MFRP: variants seen among roughly 807,000 people sequenced by gnomAD.
The protein encoded by MFRP is membrane frizzled-related protein, also known as C1q and TNF related 5.
Under a neutral mutation model 65.8 loss-of-function variants are expected in MFRP, and 74 were observed. The observed-to-expected ratio is 1.12, with a 90% confidence interval of 0.93 to 1.36. The LOEUF (loss-of-function observed/expected upper bound fraction) is 1.36, where lower values mean the gene tolerates loss of function less well. Among genes scored for constraint, MFRP ranks in the 40% most tolerant of loss-of-function variants. The probability of loss-of-function intolerance (pLI) is 0.00; values close to 1 mark genes in which losing one functional copy is unlikely to be tolerated. For missense variants in MFRP, 838 were observed against 736.0 expected (o/e 1.14, Z -1.60); for synonymous variants, 336 against 288.3 (o/e 1.17, Z -1.68).
intron 5 of MFRP, 131 bp from the exon 6 acceptor site, chr11:119,345,135 T>G (rs1950547583): frequency 8.1e-7 from 1 of 1,232,950 alleles, no homozygotes; most frequent in African/African-American, 1.5e-5. Flanking sequence ...AAGGCTCCTC[T>G]GATGTCCCAG....
rs1430261185 is a variant in MFRP at position 119,345,619 on chromosome 11, G to A, written c.442C>T (p.Leu148Phe). Residue 148 changes from leucine to phenylalanine, a missense_variant, in exon 5 of 15, where the codon CTC (leucine) becomes TTC (phenylalanine). Coordinates refer to ENST00000619721, the MANE Select transcript of MFRP (RefSeq NM_031433.4). ...PSPQSTCGGL[L>F]SGPRGFFSSP... ...CTGAAGAAGCCCCTTGGGCCAGAGAGGAGGCCTCCACAGGCTGCAGAGATG... is the reference window on the plus strand; with the variant it reads ...CTGAAGAAGCCCCTTGGGCCAGAGAAGAGGCCTCCACAGGCTGCAGAGATG... 1.2e-6 allele frequency: 2 copies of A among 1,613,604 alleles called. No homozygotes were observed. Among genetic ancestry groups the A allele is most frequent in the Non-Finnish European group, 8.5e-7 (1 of 1,179,978 alleles).
chr11:119,343,087 C>A (rs1950520180), intron 9 of MFRP, 84 bp from the exon 10 acceptor site: 2 of 1,514,352 alleles, frequency 1.3e-6, no homozygotes, highest in East Asian at 4.9e-5. Flanking sequence ...TGGCTCTGAG[C>A]TGGGAGCCCT....
Position 119,339,481 on chromosome 11 carries a change from C to CCCCCCCGAGAGCGAGGCAGGCTTGGGCCA in MFRP, c.*1477_*1478insTGGCCCAAGCCTGCCTCGCTCTCGGGGGG, listed in dbSNP as rs746520820. The CCCCCCCGAGAGCGAGGCAGGCTTGGGCCA allele has an allele frequency of 6.2e-7, 1 of 1,613,866 alleles. No homozygotes were observed. The highest frequency in any genetic ancestry group is 1.1e-5 in the South Asian group (1 of 91,066). The stretch of plus-strand genomic sequence containing the variant: ...CCTCAGGCTCCAGCCTCACCATGGC[C>CCCCCCCGAGAGCGAGGCAGGCTTGGGCCA]CCCCCCGAGAGCGAGGCTGGCTTGG... On this transcript the variant is annotated 3_prime_UTR_variant, in exon 15 of 15. Transcript: ENST00000619721. This position sits in a 1 kb window ranked among gnomAD's most constrained non-coding sequence, Gnocchi z 5.4.
At chr11:119,345,025 G>A (rs1218729973) in intron 5 of MFRP, 21 bp from the exon 6 acceptor site, 3 of 1,596,112 alleles carry the variant, frequency 1.9e-6, no homozygotes, top group East Asian at 4.5e-5. Flanking sequence ...CCAGGTTGGG[G>A]GTGAGGGAGG....
At position 119,343,324 on chromosome 11, in the gene MFRP, G is replaced by A. The variant is rs375760827; in HGVS notation, c.1125-321C>T. Among the ~76,000 whole-genome samples the A allele has an allele frequency of 1.0e-3, 156 of 152,292 alleles. 1 individual carries two copies. The highest frequency in any genetic ancestry group is 6.8e-3 in the Middle Eastern group (2 of 294). ...CCAGGAGTTTGAAACCAGCCTGGGC[G>A]ATATAGTGAGACCTTGTCTTTACAA... is the stretch of plus-strand genomic sequence containing the variant. On this transcript the variant is annotated intron_variant, in intron 9 of 14. Coordinates refer to ENST00000619721, the MANE Select transcript of MFRP (RefSeq NM_031433.4).
Position 119,344,735 on chromosome 11 carries a change from G to C in MFRP, c.795C>G (p.Phe265Leu). 6.2e-7 allele frequency: 1 copy of C among 1,614,056 alleles called. No homozygotes were observed. The highest frequency in any genetic ancestry group is 8.5e-7 in the Non-Finnish European group (1 of 1,180,040). Residue 265 changes from phenylalanine to leucine, a missense_variant, in exon 7 of 15, where the codon TTC becomes TTG. Transcript: ENST00000619721. ...GCAGGCAGATGAGCTGGTCACAGCG[G>C]AACTCATCATGGGCACAGCTCCCTG... ...PGRGSCAHDE[F>L]RCDQLICLLP...
In MFRP at chr11:119,344,913, C is replaced by T. The variant is rs1157815489; in HGVS notation, c.733G>A (p.Gly245Ser). The change falls in exon 6 of 15, where the codon GGT becomes AGT. Residue 245 changes from glycine to serine, a missense_variant. Physicochemically the swap from Gly to Ser is moderately conservative, Grantham distance 56. Transcript: ENST00000619721. ...FVSDSSVEGF[G>S]FHAWYQAMAP... is the part of the protein sequence containing the mutation. ...ATAGCCTGGTACCAGGCATGGAAAC[C>T]AAATCCTTCCACACTGCTGTCAGAG... The T allele has an allele frequency of 8.7e-6, 14 of 1,612,168 alleles. No individual in the cohort carries two copies. Among genetic ancestry groups the T allele is most frequent in the Admixed American group, 1.7e-5 (1 of 59,798 alleles).
Position 119,341,556 on chromosome 11 carries a change from G to C in MFRP, c.1732C>G (p.Gln578Glu), listed in dbSNP as rs1348472435. The part of the protein sequence containing the change: ...PEAADLEACA[Q>E]P ...AGGGGCCGGCTTCAGGGTCAGGGCT[G>C]GGCACAAGCTTCCAGGTCAGCTGCC... The change falls in exon 13 of 15, where the codon CAG (glutamine) becomes GAG (glutamate). Residue 578 changes from glutamine to glutamate, a missense_variant. Physicochemically the swap from Gln to Glu is conservative, Grantham distance 29. Transcript: ENST00000619721. 6.2e-7 allele frequency: 1 copy of C among 1,612,366 alleles called. No homozygotes were observed. The highest frequency in any genetic ancestry group is 8.5e-7 in the Non-Finnish European group (1 of 1,179,754).
chr11:119,345,644 G>A lies in MFRP; in HGVS notation c.428-11C>T. The stretch of plus-strand genomic sequence containing the variant: ...GGAGGCCTCCACAGGCTGCAGAGAT[G>A]GAGGTTAGAGTTCAGAGGTCAAAAG... On this transcript the variant is annotated splice_polypyrimidine_tract_variant and intron_variant, in intron 4 of 14. Transcript: ENST00000619721. 1 of 1,613,410 alleles carries A rather than the reference G, an allele frequency of 6.2e-7. No homozygotes were observed. Among genetic ancestry groups the A allele is most frequent in the East Asian group, 2.2e-5 (1 of 44,880 alleles).
At chr11:119,342,798 C>A (rs891121482) in intron 10 of MFRP, 71 bp from the exon 11 acceptor site, 1 of 1,613,022 alleles carries the variant, frequency 6.2e-7, no homozygotes, top group African/African-American at 1.3e-5. Context: ...AGTGTCCTGA[C>A]CAGGGTCCAG....
In MFRP at chr11:119,345,599, G is replaced by T; in HGVS notation, c.462C>A (p.Phe154Leu). ...CGGLLSGPRG[F>L]FSSPNYPDPY... ...GGTCTGGGTAGTTAGGGCTGCTGAA[G>T]AAGCCCCTTGGGCCAGAGAGGAGGC... The change falls in exon 5 of 15, where the codon TTC becomes TTA. Residue 154 changes from phenylalanine (F) to leucine (L), a missense_variant. Phe to Leu is a conservative substitution (Grantham distance 22). Transcript: ENST00000619721. 6.2e-7 allele frequency: 1 copy of T among 1,613,796 alleles called. No homozygotes were observed. Among genetic ancestry groups the T allele is most frequent in the Non-Finnish European group, 8.5e-7 (1 of 1,179,986 alleles).
At chr11:119,345,320 T>C in intron 5 of MFRP, 100 bp downstream of exon 5, 1 of 1,266,228 alleles carries the variant, frequency 7.9e-7, no homozygotes, top group Non-Finnish European at 1.1e-6. Context: ...AGTCTCTCAA[T>C]TTCTTCCTCG....
At position 119,345,558 on chromosome 11, in the gene MFRP, G is replaced by T. The variant is rs1326216486; in HGVS notation, c.503C>A (p.Thr168Asn). Residue 168 changes from threonine to asparagine, a missense_variant, in exon 5 of 15, where the codon ACC (threonine) becomes AAC (asparagine). Physicochemically the swap from Thr to Asn is moderately conservative, Grantham distance 65. Coordinates refer to ENST00000619721, the MANE Select transcript of MFRP (RefSeq NM_031433.4). ...PNYPDPYPPN[T>N]HCVWHIQVAT... is the part of the protein sequence containing the mutation. ...CACCTGGATATGCCACACGCAGTGG[G>T]TGTTGGGGGGGTAAGGGTCTGGGTA... The T allele has an allele frequency of 1.2e-6, 2 of 1,614,070 alleles. No individual in the cohort carries two copies. Among genetic ancestry groups the T allele is most frequent in the Admixed American group, 3.3e-5 (2 of 60,016 alleles).
intron 11 of MFRP, 44 bp from the exon 12 acceptor site, chr11:119,342,028 G>T: frequency 6.2e-7 from 1 of 1,610,798 alleles, no homozygotes; most frequent in Non-Finnish European, 8.5e-7. Flanking sequence ...CTGCTCACTG[G>T]CTCTGTGGCC....
In MFRP at chr11:119,345,921, C is replaced by G; in HGVS notation, c.279G>C (p.Gln93His). ...GGGACGCCCCAGATGGGGGTGCAGC[C>G]TGCAGCTCTGGAGGCGAGAAGATGG... is the stretch of plus-strand genomic sequence containing the variant. ...LLVAIILAQL[Q>H]AAPPSGASHS... Residue 93 changes from glutamine (Q) to histidine (H), a missense_variant, in exon 4 of 15, where the codon CAG (glutamine) becomes CAC (histidine). Transcript: ENST00000619721. 1 of 1,613,728 alleles carries G rather than the reference C, an allele frequency of 6.2e-7. No homozygotes were observed.
chr11:119,339,480 C>T lies in MFRP; in HGVS notation c.*1479G>A, dbSNP rs774651014. ...TCCTCAGGCTCCAGCCTCACCATGG[C>T]CCCCCCCGAGAGCGAGGCTGGCTTG... On this transcript the variant is annotated 3_prime_UTR_variant, in exon 15 of 15. Transcript: ENST00000619721. This position sits in a 1 kb window ranked among gnomAD's most constrained non-coding sequence, Gnocchi z 5.4. The T allele has an allele frequency of 6.2e-7, 1 of 1,612,828 alleles. No individual in the cohort carries two copies. Among genetic ancestry groups the T allele is most frequent in the Non-Finnish European group, 8.5e-7 (1 of 1,179,670 alleles).
At position 119,345,983 on chromosome 11, in the gene MFRP, G is replaced by A. The variant is rs1206605391; in HGVS notation, c.272-55C>T. On this transcript the variant is annotated intron_variant, in intron 3 of 14. Transcript: ENST00000619721. ...CAGAGGAGCTGGGTCCTGGGAGGCT[G>A]GGAGAGCGGCTCATGGAGTTTCATT... 2.5e-6 allele frequency: 4 copies of A among 1,613,322 alleles called. No homozygotes were observed. In the South Asian group the frequency reaches 4.4e-5, roughly 18 times the overall value.
chr11:119,342,484 G>T, intron 11 of MFRP, 112 bp downstream of exon 11: 1 of 1,421,464 alleles, frequency 7.0e-7, no homozygotes. Context: ...GGTGAGGCCA[G>T]CTGGCCCCGC....
chr11:119,341,992 G>A lies in MFRP; in HGVS notation c.1388-8C>T, dbSNP rs576998134. The A allele has an allele frequency of 1.9e-5, 31 of 1,613,368 alleles. No individual in the cohort carries two copies. In the South Asian group the frequency reaches 3.0e-4, roughly 15 times the overall value. ...CAGGCTCACAGGCCAGCTCTGCAGG[G>A]GTGGAGGGGAGGGCCACTGTGGGGA... On this transcript the variant is annotated splice_region_variant and splice_polypyrimidine_tract_variant and intron_variant, in intron 11 of 14. Coordinates refer to ENST00000619721, the MANE Select transcript of MFRP (RefSeq NM_031433.4).
Sources: gnomAD v4.1 joint callset for allele counts (sites outside exome capture counted in the v4.1 genomes callset) on GRCh38, gnomAD v4.1.1 for gene constraint, Gnocchi (gnomAD v3.1) non-coding constraint, MANE v1.5 for transcripts, NCBI Gene and HGNC (gene_info 2026-07-23, HGNC 2026-07-21) for gene names.